DHX34: variants seen among roughly 807,000 people sequenced by gnomAD.
DHX34 encodes the protein probable ATP-dependent RNA helicase DHX34.
DHX34 carries 96 observed loss-of-function variants against 111.1 expected under a neutral mutation model. That is an observed-to-expected ratio of 0.86 (90% CI 0.73 to 1.02). DHX34 has a LOEUF of 1.02. Ranked by LOEUF, DHX34 falls within the 50% of genes least tolerant of loss-of-function variation. The probability of loss-of-function intolerance (pLI) is 0.00; values close to 1 mark genes in which losing one functional copy is unlikely to be tolerated. For synonymous variants in DHX34, 688 were observed against 670.4 expected (o/e 1.03, Z -0.41); for missense variants, 1,560 against 1,579.9 (o/e 0.99, Z 0.21).
At chr19:47,369,592 C>T (rs187034914) in intron 7 of DHX34, among the ~76,000 whole-genome samples, 6 of 152,266 alleles carry the variant, frequency 3.9e-5, no homozygotes, top group East Asian at 1.9e-4. Context: ...AGTGAAAACA[C>T]GGAATGTCAG....
chr19:47,371,686 G>A (rs989048510), intron 7 of DHX34, among the ~76,000 whole-genome samples: 3 of 152,126 alleles, frequency 2.0e-5, no homozygotes, highest in East Asian at 1.9e-4. Flanking sequence ...TGCAGCCTCC[G>A]CCTCCAGGGT....
In DHX34 at chr19:47,381,292, C is replaced by T. The variant is rs1310293345; in HGVS notation, c.3266C>T (p.Thr1089Ile). ...TPLERIAHEN[T>I]CPQAPQDGPP... Reference sequence around the variant, plus strand: ...CTGGAGCGCATCGCCCATGAGAACACCTGCCCCCAGGCCCCACAGGATGGG... The same window carrying T: ...CTGGAGCGCATCGCCCATGAGAACATCTGCCCCCAGGCCCCACAGGATGGG... Residue 1089 changes from threonine (T) to isoleucine (I), a missense_variant, in exon 16 of 17, where the codon ACC (threonine) becomes ATC (isoleucine). Physicochemically the swap from Thr to Ile is moderately conservative, Grantham distance 89. Coordinates refer to ENST00000328771, the MANE Select transcript of DHX34 (RefSeq NM_014681.6). 1 of 1,613,808 alleles carries T rather than the reference C, an allele frequency of 6.2e-7. No individual in the cohort carries two copies. Among genetic ancestry groups the T allele is most frequent in the East Asian group, 2.2e-5 (1 of 44,892 alleles).
intron 7 of DHX34, among the ~76,000 whole-genome samples, chr19:47,368,665 CA>C (rs1010982704): frequency 2.0e-5 from 3 of 148,702 alleles, no homozygotes; most frequent in Non-Finnish European, 4.5e-5. Flanking sequence ...CACACACATA[CA>C]CACACATATA....
rs199881839 is a variant in DHX34, at chr19:47,380,831, C to T, written c.2998C>T (p.Arg1000Trp). 2.6e-5 allele frequency: 42 copies of T among 1,613,936 alleles called. No individual in the cohort carries two copies. The highest frequency in any genetic ancestry group is 4.5e-5 in the East Asian group (2 of 44,872). The part of the protein sequence containing the change: ...FTASKIPYSL[R>W]RLTGLEVQNM... ...CCTTCCTTAGATTCCTTACAGCCTC[C>T]GGCGGCTCACAGGGCTAGAAGTCCA... The change falls in exon 15 of 17, where the codon CGG becomes TGG. Residue 1000 changes from arginine (R) to tryptophan (W), a missense_variant. Coordinates refer to ENST00000328771, the MANE Select transcript of DHX34 (RefSeq NM_014681.6).
Position 47,372,939 on chromosome 19 carries a change from G to T in DHX34, c.1962+16G>T. ...CTGGGTGCAGGTGAGGCTGGTGGTG[G>T]GGGCCCTCTGTCTGTCACCCTGCTC... On this transcript the variant is annotated intron_variant, in intron 8 of 16. Coordinates refer to ENST00000328771, the MANE Select transcript of DHX34 (RefSeq NM_014681.6). 6.4e-7 allele frequency: 1 copy of T among 1,573,862 alleles called. No individual in the cohort carries two copies. Among genetic ancestry groups the T allele is most frequent in the Non-Finnish European group, 8.6e-7 (1 of 1,166,152 alleles).
chr19:47,355,865 A>G (rs955532947), intron 3 of DHX34, among the ~76,000 whole-genome samples: 1 of 151,468 alleles, frequency 6.6e-6, no homozygotes, highest in Admixed American at 6.6e-5. Context: ...AAAAAAAAAG[A>G]CCCAAAAATG....
rs921208762 is a variant in DHX34, at chr19:47,373,072, A to G, written c.1962+149A>G. 11 of 1,101,250 alleles carry G rather than the reference A, an allele frequency of 1.0e-5. No individual in the cohort carries two copies. The East Asian group carries it at 3.1e-4, about 31-fold the overall frequency. The allele number at this position is 1,101,250 out of a possible 1,614,324, so 68.2% of individuals were successfully genotyped here. A position where few individuals can be genotyped will look rare whatever the true frequency, so the allele number is the denominator to read the frequency against. On this transcript the variant is annotated intron_variant, in intron 8 of 16. Transcript: ENST00000328771. Reference sequence around the variant, plus strand: ...AGACTGGGCCTGCCTGGGGAGGGCCATGTCTCCATCATCCATGCTTTCGGC... The same window carrying G: ...AGACTGGGCCTGCCTGGGGAGGGCCGTGTCTCCATCATCCATGCTTTCGGC...
intron 7 of DHX34, among the ~76,000 whole-genome samples, chr19:47,369,302 C>T (rs550403540): frequency 5.3e-5 from 8 of 152,194 alleles, no homozygotes; most frequent in South Asian, 4.1e-4. Flanking sequence ...CCACTGCGCC[C>T]GGCCAATATT....
At chr19:47,381,041 A>C in intron 15 of DHX34, 49 bp downstream of exon 15, 1 of 1,542,442 alleles carries the variant, frequency 6.5e-7, no homozygotes, top group African/African-American at 1.4e-5. Context: ...GGAAGACCCC[A>C]CCACCCCGTT....
In DHX34 at chr19:47,353,698, G is replaced by T. The variant is rs144033683; in HGVS notation, c.668G>T (p.Arg223Leu). The change falls in exon 2 of 17, where the codon CGT becomes CTT. Residue 223 changes from arginine to leucine, a missense_variant. By Grantham distance (102) the Arg-to-Leu change is moderately radical. Coordinates refer to ENST00000328771, the MANE Select transcript of DHX34 (RefSeq NM_014681.6). The surrounding 1 kb of genome is among the most constrained non-coding windows in gnomAD (Gnocchi z 4.6). The part of the protein sequence containing the change: ...RRIACISLAK[R>L]VGFESLSQYG... ...ATCGCCTGCATCTCACTGGCCAAGCGTGTGGGCTTTGAGAGCCTCAGTCAG... is the reference window on the plus strand; with the variant it reads ...ATCGCCTGCATCTCACTGGCCAAGCTTGTGGGCTTTGAGAGCCTCAGTCAG... The T allele has an allele frequency of 6.2e-7, 1 of 1,608,042 alleles. No homozygotes were observed.
rs891003731 is a variant in DHX34 at position 47,382,260 on chromosome 19, T to C, written c.*147T>C. The C allele has an allele frequency of 1.2e-5, 16 of 1,391,212 alleles. No homozygotes were observed. Among genetic ancestry groups the C allele is most frequent in the Middle Eastern group, 2.6e-4 (1 of 3,864 alleles). 86.2% of individuals were successfully genotyped at this position (1,391,212 alleles called of 1,614,324 possible). On this transcript the variant is annotated 3_prime_UTR_variant, in exon 17 of 17. Transcript: ENST00000328771. ...GAGGGCCTGGAGCACGGATTGTGAATAAAGCCTCACATGCTGATACACACT... is the reference window on the plus strand; with the variant it reads ...GAGGGCCTGGAGCACGGATTGTGAACAAAGCCTCACATGCTGATACACACT...
At chr19:47,350,667 G>A (rs949701394) in intron 1 of DHX34, among the ~76,000 whole-genome samples, 9 of 152,082 alleles carry the variant, frequency 5.9e-5, no homozygotes, top group Non-Finnish European at 1.3e-4. Flanking sequence ...TGATCTGCCT[G>A]CCTCAGCCTC....
chr19:47,355,946 C>T (rs576540228), intron 3 of DHX34, among the ~76,000 whole-genome samples: 40 of 152,156 alleles, frequency 2.6e-4, no homozygotes, highest in Admixed American at 2.2e-3. Context: ...TTGGGCAACT[C>T]TGTTCCATGT....
chr19:47,378,632 G>C (rs768301109), intron 13 of DHX34, among the ~76,000 whole-genome samples: 2 of 152,022 alleles, frequency 1.3e-5, no homozygotes, highest in Non-Finnish European at 2.9e-5. Context: ...GAGTTCAAAG[G>C]CAGCCTGGGC....
At chr19:47,350,829 T>C (rs138886509) in intron 1 of DHX34, among the ~76,000 whole-genome samples, 7 of 151,934 alleles carry the variant, frequency 4.6e-5, no homozygotes, top group Non-Finnish European at 1.0e-4. Flanking sequence ...GACTACAGAA[T>C]GACTCATAAG....
intron 6 of DHX34, among the ~76,000 whole-genome samples, chr19:47,365,675 A>T (rs894570987): frequency 3.9e-5 from 6 of 152,210 alleles, no homozygotes; most frequent in Non-Finnish European, 5.9e-5. Context: ...CTCGGATCAA[A>T]GCCAGGCAAA....
chr19:47,349,748 A>G (rs1969228277), intron 1 of DHX34, among the ~76,000 whole-genome samples: 2 of 152,094 alleles, frequency 1.3e-5, no homozygotes, highest in African/African-American at 2.4e-5. Context: ...GTGGAGGGAA[A>G]AGTCGGAAAC....
At chr19:47,376,799 CAG>C in intron 12 of DHX34, 2 of 1,509,088 alleles carry the variant, frequency 1.3e-6, no homozygotes, top group African/African-American at 2.8e-5. Context: ...TGGCTGTGCC[CAG>C]AGAGTGAGCA....
chr19:47,364,474 A>C (rs1433234568), intron 6 of DHX34, among the ~76,000 whole-genome samples: 1 of 151,806 alleles, frequency 6.6e-6, no homozygotes, highest in Admixed American at 6.6e-5. Context: ...ACAATGAGTG[A>C]CTCATGCCTG....
Sources: gnomAD v4.1 joint callset for allele counts (sites outside exome capture counted in the v4.1 genomes callset) on GRCh38, gnomAD v4.1.1 for gene constraint, Gnocchi (gnomAD v3.1) non-coding constraint, MANE v1.5 for transcripts, NCBI Gene and HGNC (gene_info 2026-07-23, HGNC 2026-07-21) for gene names.